DMD: variants seen among roughly 807,000 people sequenced by gnomAD.
DMD encodes mutant dystrophin.
In DMD, 63 loss-of-function variants were observed where a neutral mutation model predicts 330.1. That is an observed-to-expected ratio of 0.19 (90% confidence interval 0.16 to 0.24). DMD has a LOEUF of 0.24. DMD is among the 10% of genes least tolerant of loss of function. DMD has a pLI of 1.00. For missense variants in DMD, 3,344 were observed against 2,684.1 expected (o/e 1.25, Z -5.43); for synonymous variants, 1,223 against 959.8 (o/e 1.27, Z -5.07).
intron 7 of DMD, among the ~76,000 whole-genome samples, chrX:32,706,739 G>A (rs1427721343): frequency 9.0e-6 from 1 of 111,548 alleles, no homozygotes; most frequent in Non-Finnish European, 1.9e-5. Context: ...CAATACAAAT[G>A]GAACTTATCA....
At position 31,366,428 on chromosome X, in the gene DMD, A is replaced by C. The variant is rs1252301799; in HGVS notation, c.9085-17794T>G. 3.3e-5 allele frequency among the ~76,000 whole-genome samples: 3 copies of C among 90,811 alleles called. No individual in the cohort carries two copies. In the Admixed American group the frequency reaches 3.7e-4, roughly 11 times the overall value. 78.9% of individuals were successfully genotyped at this position (90,811 alleles called of 115,157 possible). A position where few individuals can be genotyped will look rare whatever the true frequency, so the allele number is the denominator to read the frequency against. ...GATTAGGAGAATACCACCTGGCAGA[A>C]GACCATTCTCTTATTAAGGCTGATC... On this transcript the variant is annotated intron_variant, in intron 60 of 78. Transcript: ENST00000357033.
chrX:32,761,065 G>T (rs993982774), intron 7 of DMD, among the ~76,000 whole-genome samples: 1 of 111,344 alleles, frequency 9.0e-6, no homozygotes, highest in African/African-American at 3.3e-5. Flanking sequence ...CTTTTTATTT[G>T]AACTCTTTGG....
At chrX:31,797,389 T>C (rs1356425523) in intron 50 of DMD, among the ~76,000 whole-genome samples, 1 of 110,855 alleles carries the variant, frequency 9.0e-6, no homozygotes, top group East Asian at 2.8e-4. Flanking sequence ...TGAAGAGGGA[T>C]AGGTGATCCT....
chrX:33,231,481 G>C (rs1603422283), intron 1 of DMD, among the ~76,000 whole-genome samples: 1 of 111,796 alleles, frequency 8.9e-6, no homozygotes, highest in Non-Finnish European at 1.9e-5. Flanking sequence ...CTTATACTTT[G>C]TTACTTCAAA....
intron 26 of DMD, among the ~76,000 whole-genome samples, chrX:32,452,832 T>A (rs955413429): frequency 9.0e-6 from 1 of 111,269 alleles, no homozygotes; most frequent in African/African-American, 3.3e-5. Flanking sequence ...TGTTAACAGA[T>A]ATTTGCCCAC....
At chrX:33,175,380 G>A (rs756079586) in intron 1 of DMD, among the ~76,000 whole-genome samples, 1 of 112,392 alleles carries the variant, frequency 8.9e-6, no homozygotes, top group South Asian at 3.6e-4. Context: ...AAATCAAGAT[G>A]GCTGCCTAAA....
At chrX:31,180,974 G>A (rs1204845014) in intron 68 of DMD, among the ~76,000 whole-genome samples, 1 of 111,768 alleles carries the variant, frequency 8.9e-6, no homozygotes, top group African/African-American at 3.2e-5. Context: ...AACAAGTCTC[G>A]CTTTAATAAT....
intron 1 of DMD, among the ~76,000 whole-genome samples, chrX:33,277,427 T>A (rs5971705): frequency 9.1e-6 from 1 of 109,884 alleles, no homozygotes; most frequent in South Asian, 3.9e-4. Context: ...GTTATGTGAA[T>A]TTTACCTCAA....
intron 21 of DMD, among the ~76,000 whole-genome samples, chrX:32,474,987 A>C (rs2041077366): frequency 9.0e-6 from 1 of 111,439 alleles, no homozygotes; most frequent in South Asian, 3.7e-4. Context: ...TTATAGTTTC[A>C]GGTCTTAGGT....
intron 62 of DMD, among the ~76,000 whole-genome samples, chrX:31,323,011 T>C (rs2056533665): frequency 8.9e-6 from 1 of 112,149 alleles, no homozygotes; most frequent in Non-Finnish European, 1.9e-5. Context: ...TGCAAAATAC[T>C]ACAGAAGGTG....
rs138324064 is a variant in DMD at position 33,186,155 on chromosome X, G to A, written c.31+25127C>T. 2.8e-4 allele frequency among the ~76,000 whole-genome samples: 31 copies of A among 111,827 alleles called. No homozygotes were observed. The East Asian group carries it at 8.7e-3, about 32-fold the overall frequency. On this transcript the variant is annotated intron_variant, in intron 1 of 78. Transcript: ENST00000357033. ...CCTTTTCCTCATCTCCCACAATTTA[G>A]CAACAACTTACTACCAAATAATTTG...
At chrX:31,320,786 T>C (rs1240850520) in intron 62 of DMD, among the ~76,000 whole-genome samples, 2 of 112,314 alleles carry the variant, frequency 1.8e-5, no homozygotes, top group Non-Finnish European at 3.8e-5. Context: ...AATTATACCA[T>C]CCCTAATTTC....
intron 51 of DMD, among the ~76,000 whole-genome samples, chrX:31,756,791 A>G (rs1345514059): frequency 8.9e-6 from 1 of 112,580 alleles, no homozygotes; most frequent in East Asian, 2.8e-4. Flanking sequence ...ATTTGGTCAA[A>G]GCCAAACACT....
chrX:32,410,439 G>T (rs1218678711), intron 30 of DMD, among the ~76,000 whole-genome samples: 1 of 112,026 alleles, frequency 8.9e-6, no homozygotes, highest in Non-Finnish European at 1.9e-5. Context: ...ATTAACTCAT[G>T]CTATTGTGTA....
At chrX:32,327,550 C>A (rs767956431) in intron 41 of DMD, among the ~76,000 whole-genome samples, 10 of 111,276 alleles carry the variant, frequency 9.0e-5, no homozygotes, top group African/African-American at 2.6e-4. Context: ...TGAAGAAAAC[C>A]ATTTTTCTCT....
chrX:32,575,583 G>A (rs906363061), intron 13 of DMD, among the ~76,000 whole-genome samples: 1 of 112,156 alleles, frequency 8.9e-6, no homozygotes, highest in African/African-American at 3.2e-5. Flanking sequence ...AGTATATATA[G>A]GTTTTTTCTA....
intron 63 of DMD, among the ~76,000 whole-genome samples, chrX:31,254,224 A>C (rs2049692052): frequency 8.9e-6 from 1 of 112,168 alleles, no homozygotes; most frequent in African/African-American, 3.2e-5. Flanking sequence ...CTCCTTCATA[A>C]ACTGGTCTTC....
At chrX:32,280,836 A>T (rs1259573113) in intron 43 of DMD, among the ~76,000 whole-genome samples, 1 of 112,208 alleles carries the variant, frequency 8.9e-6, no homozygotes, top group Admixed American at 9.5e-5. Flanking sequence ...ACATGAAAGA[A>T]AATTATTTAT....
At chrX:32,360,796 C>A (rs867143430) in intron 37 of DMD, among the ~76,000 whole-genome samples, 1 of 43,364 alleles carries the variant, frequency 2.3e-5, no homozygotes, top group Non-Finnish European at 3.8e-5. Context: ...CACACACACA[C>A]ACAAAATAAT....
Sources: allele counts gnomAD v4.1 joint callset (sites outside exome capture counted in the v4.1 genomes callset), GRCh38; gene constraint gnomAD v4.1.1; transcripts MANE v1.5; gene names NCBI Gene and HGNC (gene_info 2026-07-23, HGNC 2026-07-21).